ROR1: variants seen among roughly 807,000 people sequenced by gnomAD.
ROR1 encodes ROR family WNT receptor 1.
In ROR1, 19 loss-of-function variants were observed where a neutral mutation model predicts 78.8. The observed-to-expected ratio is 0.24, with a 90% confidence interval of 0.17 to 0.35. ROR1 has a LOEUF of 0.35. Ranked by LOEUF, ROR1 falls within the 10% of genes least tolerant of loss-of-function variation. The probability of loss-of-function intolerance (pLI) is 1.00; values close to 1 mark genes in which losing one functional copy is unlikely to be tolerated. For synonymous variants in ROR1, 386 were observed against 433.6 expected, an observed-to-expected ratio of 0.89 and a Z score of 1.36; for missense variants, 917 against 1,177.8, an observed-to-expected ratio of 0.78 and a Z score of 3.24.
intron 1 of ROR1, among the ~76,000 whole-genome samples, chr1:63,919,476 T>C (rs1386085275): frequency 6.8e-6 from 1 of 146,986 alleles, no homozygotes; most frequent in African/African-American, 2.5e-5. Flanking sequence ...TGAGCAGTGT[T>C]CATTGAATTG....
intron 4 of ROR1, among the ~76,000 whole-genome samples, chr1:64,124,696 G>A (rs1402283316): frequency 6.6e-6 from 1 of 152,118 alleles, no homozygotes; most frequent in African/African-American, 2.4e-5. Context: ...TGTCATATAG[G>A]AGCAAATTAC....
At chr1:64,136,481 G>A (rs1430756490) in intron 4 of ROR1, among the ~76,000 whole-genome samples, 1 of 151,302 alleles carries the variant, frequency 6.6e-6, no homozygotes, top group Non-Finnish European at 1.5e-5. Flanking sequence ...TGGATGTTCT[G>A]CACTCGAGGG....
At chr1:63,878,418 T>G (rs1369172006) in intron 1 of ROR1, among the ~76,000 whole-genome samples, 1 of 152,204 alleles carries the variant, frequency 6.6e-6, no homozygotes, top group Non-Finnish European at 1.5e-5. Flanking sequence ...ACCTGCAACT[T>G]GCAGCAGTCT....
At chr1:64,163,222 AACACACACACACACAC>A (rs57880828) in intron 8 of ROR1, among the ~76,000 whole-genome samples, 27 of 137,662 alleles carry the variant, frequency 2.0e-4, no homozygotes, top group Admixed American at 5.0e-4. Flanking sequence ...CATCTCTACA[AACACACACACACACAC>A]ACACACACAC....
chr1:63,999,104 C>A (rs1646362921), intron 1 of ROR1, among the ~76,000 whole-genome samples: 2 of 152,200 alleles, frequency 1.3e-5, no homozygotes, highest in African/African-American at 4.8e-5. Context: ...TTATCAGCAG[C>A]ATGAAAACAG....
Position 63,948,154 on chromosome 1 carries a change from C to A in ROR1, c.92-61151C>A, listed in dbSNP as rs149208735. Among the ~76,000 whole-genome samples, 403 of 152,188 alleles carry A rather than the reference C, an allele frequency of 2.6e-3. 2 individuals carry two copies. The highest frequency in any genetic ancestry group is 9.4e-3 in the African/African-American group (389 of 41,520). ...TTTAGCCAGTCCACACTGTTCTAGA[C>A]CTGTGCAAGTTGATCCCCTGAGATA... On this transcript the variant is annotated intron_variant, in intron 1 of 8. Transcript: ENST00000371079.
At chr1:63,939,268 C>T (rs574568849) in intron 1 of ROR1, among the ~76,000 whole-genome samples, 2 of 152,220 alleles carry the variant, frequency 1.3e-5, no homozygotes, top group South Asian at 4.1e-4. Context: ...ATGCCCAGGT[C>T]AGCTTTAAGC....
At chr1:63,985,975 C>A (rs954294510) in intron 1 of ROR1, among the ~76,000 whole-genome samples, 24 of 152,036 alleles carry the variant, frequency 1.6e-4, no homozygotes, top group Non-Finnish European at 3.1e-4. Context: ...TGTTACAAGG[C>A]CTTCAGAAAG....
Position 63,774,700 on chromosome 1 carries a change from C to G in ROR1, c.91+192C>G, listed in dbSNP as rs1345222642. On this transcript the variant is annotated intron_variant, in intron 1 of 8. Coordinates refer to ENST00000371079, the MANE Select transcript of ROR1 (RefSeq NM_005012.4). This position sits in a 1 kb window ranked among gnomAD's most constrained non-coding sequence, Gnocchi z 5.7. Reference sequence around the variant, plus strand: ...GGAGCCCCGCCAGGCCAGGGTTTGCCCCGGAGCCCCGCGGCGGGCCGGGGC... The same window carrying G: ...GGAGCCCCGCCAGGCCAGGGTTTGCGCCGGAGCCCCGCGGCGGGCCGGGGC... Among the ~76,000 whole-genome samples, 1 of 151,216 alleles carries G rather than the reference C, an allele frequency of 6.6e-6. No homozygotes were observed. The highest frequency in any genetic ancestry group is 1.5e-5 in the Non-Finnish European group (1 of 67,782).
intron 1 of ROR1, among the ~76,000 whole-genome samples, chr1:63,890,253 A>G (rs534447218): frequency 6.6e-6 from 1 of 151,200 alleles, no homozygotes; most frequent in East Asian, 1.9e-4. Flanking sequence ...ATCTCGGACT[A>G]TTTTATAGAA....
intron 2 of ROR1, among the ~76,000 whole-genome samples, chr1:64,035,599 G>A (rs1247324745): frequency 6.6e-6 from 1 of 152,168 alleles, no homozygotes; most frequent in Non-Finnish European, 1.5e-5. Flanking sequence ...GGAACTCAGA[G>A]GTAGCCTGTT....
chr1:64,153,094 G>C (rs546886886), intron 7 of ROR1, among the ~76,000 whole-genome samples: 6 of 152,122 alleles, frequency 3.9e-5, no homozygotes, highest in South Asian at 2.1e-4. Flanking sequence ...AGATTGGCCC[G>C]ATTAAAAAGT....
chr1:63,844,230 G>A (rs895692914), intron 1 of ROR1, among the ~76,000 whole-genome samples: 10 of 152,060 alleles, frequency 6.6e-5, no homozygotes, highest in African/African-American at 1.9e-4. Flanking sequence ...TCTCTGCCTC[G>A]CACTTTAAGA....
chr1:63,825,493 A>G (rs1242278921), intron 1 of ROR1, among the ~76,000 whole-genome samples: 1 of 152,194 alleles, frequency 6.6e-6, no homozygotes, highest in African/African-American at 2.4e-5. Context: ...TAGAGACAGA[A>G]AGCAGATCAG....
intron 8 of ROR1, among the ~76,000 whole-genome samples, chr1:64,168,243 CT>C (rs985351325): frequency 2.6e-5 from 4 of 152,172 alleles, no homozygotes; most frequent in African/African-American, 9.7e-5. Flanking sequence ...CTTAACTGAC[CT>C]GTTCTTTGGT....
At chr1:63,885,888 C>T (rs1230127899) in intron 1 of ROR1, among the ~76,000 whole-genome samples, 1 of 152,118 alleles carries the variant, frequency 6.6e-6, no homozygotes, top group Admixed American at 6.5e-5. Flanking sequence ...TGGAATGATC[C>T]AAGCACATTA....
At chr1:64,082,989 A>G (rs961304275) in intron 4 of ROR1, among the ~76,000 whole-genome samples, 8 of 152,224 alleles carry the variant, frequency 5.3e-5, no homozygotes, top group Non-Finnish European at 8.8e-5. Flanking sequence ...TCCAAAAGAA[A>G]TTATTGTGGA....
chr1:63,825,806 C>T (rs1489912032), intron 1 of ROR1, among the ~76,000 whole-genome samples: 2 of 152,086 alleles, frequency 1.3e-5, no homozygotes, highest in African/African-American at 4.8e-5. Flanking sequence ...TCCTTTTACG[C>T]CAAAATCCAT....
chr1:63,861,613 C>T (rs145106915), intron 1 of ROR1, among the ~76,000 whole-genome samples: 11 of 152,294 alleles, frequency 7.2e-5, no homozygotes, highest in Admixed American at 6.5e-4. Context: ...GAATACTTCA[C>T]CAGTAGGCTT....
Sources: allele counts gnomAD v4.1 joint callset (sites outside exome capture counted in the v4.1 genomes callset), GRCh38; gene constraint gnomAD v4.1.1; non-coding constraint Gnocchi (gnomAD v3.1); transcripts MANE v1.5; gene names NCBI Gene and HGNC (gene_info 2026-07-23, HGNC 2026-07-21).